The following SPG11 variants were observed in gnomAD, a reference collection of about 807,000 sequenced individuals.
SPG11 encodes spatacsin.
SPG11 carries 222 observed loss-of-function variants against 274.0 expected under a neutral mutation model. The observed-to-expected ratio is 0.81, with a 90% CI of 0.73 to 0.91. SPG11 has a LOEUF of 0.91. Ranked by LOEUF, SPG11 falls within the 40% of genes least tolerant of loss-of-function variation. The probability of loss-of-function intolerance (pLI) is 0.00; values close to 1 mark genes in which losing one functional copy is unlikely to be tolerated. For missense variants in SPG11, 3,114 were observed against 2,872.7 expected, an observed-to-expected ratio of 1.08 and a Z score of -1.92; for synonymous variants, 1,144 against 1,039.7, an observed-to-expected ratio of 1.10 and a Z score of -1.93.
At chr15:44,609,029 G>T (rs2083391746) in intron 18 of SPG11, among the ~76,000 whole-genome samples, 1 of 152,126 alleles carries the variant, frequency 6.6e-6, no homozygotes, top group Non-Finnish European at 1.5e-5. Context: ...TAAAAATAGA[G>T]GATTAAATAG....
intron 14 of SPG11, 190 bp from the exon 15 acceptor site, chr15:44,620,593 G>C: frequency 1.8e-6 from 1 of 554,626 alleles, no homozygotes; most frequent in East Asian, 3.2e-5. Flanking sequence ...CCAGGCTGGA[G>C]TGCAGTGGTG....
intron 7 of SPG11, among the ~76,000 whole-genome samples, chr15:44,636,958 C>CAAAAAAAAAAAAAAAAAAAAAAAAA (rs1328250311): frequency 1.1e-5 from 1 of 89,102 alleles, no homozygotes; most frequent in Non-Finnish European, 2.1e-5. Flanking sequence ...AAAAAAAAAA[C>CAAAAAAAAAAAAAAAAAAAAAAAAA]AAAAAAAAAA....
At chr15:44,632,421 TAAG>T (rs1184575398) in intron 8 of SPG11, among the ~76,000 whole-genome samples, 1 of 152,118 alleles carries the variant, frequency 6.6e-6, no homozygotes, top group Non-Finnish European at 1.5e-5. Flanking sequence ...CTACCTGGTC[TAAG>T]AATAAAAGTT....
intron 8 of SPG11, among the ~76,000 whole-genome samples, chr15:44,633,245 T>C (rs1224828255): frequency 2.9e-5 from 4 of 138,784 alleles, no homozygotes; most frequent in Non-Finnish European, 6.0e-5. Context: ...GTGGGAGGAC[T>C]GCTTGAGTCC....
In SPG11 at chr15:44,564,651, T is replaced by A. The variant is rs1595815419; in HGVS notation, c.7047A>T (p.Glu2349Asp). 2 of 1,614,136 alleles carry A rather than the reference T, an allele frequency of 1.2e-6. No homozygotes were observed. The highest frequency in any genetic ancestry group is 1.7e-6 in the Non-Finnish European group (2 of 1,179,990). The change falls in exon 39 of 40, where the codon GAA (glutamate) becomes GAT (aspartate). Residue 2349 changes from glutamate to aspartate, a missense_variant. Glu to Asp is a conservative substitution (Grantham distance 45, BLOSUM62 2). Transcript: ENST00000261866. ...TAAGAATCACTTGCTGGTATAAAAT[T>A]TCAGCCCAATCTGGAACAAAATCGT... ...EAYDFVPDWAEILYQQVILKG... is the reference protein window; with the variant it reads ...EAYDFVPDWADILYQQVILKG...
intron 8 of SPG11, among the ~76,000 whole-genome samples, chr15:44,630,242 C>A (rs368984034): frequency 6.6e-6 from 1 of 152,166 alleles, no homozygotes; most frequent in African/African-American, 2.4e-5. Flanking sequence ...CGCTGCCCCC[C>A]GTGGATTACA....
At chr15:44,609,735 CTT>C (rs752969781) in intron 18 of SPG11, among the ~76,000 whole-genome samples, 25 of 140,730 alleles carry the variant, frequency 1.8e-4, no homozygotes, top group Admixed American at 2.9e-4. Context: ...CCCCGCCCAG[CTT>C]TTTTTTTTTT....
rs545202134 is a variant in SPG11, at chr15:44,629,456, A to C, written c.1736-68T>G. 1.6e-5 allele frequency: 23 copies of C among 1,475,094 alleles called. No homozygotes were observed. The East Asian group carries it at 5.3e-4, about 34-fold the overall frequency. 91.4% of individuals were successfully genotyped at this position (1,475,094 alleles called of 1,614,324 possible). A position where few individuals can be genotyped will look rare whatever the true frequency, so the allele number is the denominator to read the frequency against. ...ACTCACAATAAAATTAACATATCAA[A>C]AATATCATGTTACAATATTTTTAAA... On this transcript the variant is annotated intron_variant, in intron 8 of 39. Transcript: ENST00000261866.
chr15:44,614,095 G>A lies in SPG11; in HGVS notation c.3039-559C>T, dbSNP rs896354928. Among the ~76,000 whole-genome samples, 14 of 152,228 alleles carry A rather than the reference G, an allele frequency of 9.2e-5. 1 individual carries two copies. Among genetic ancestry groups the A allele is most frequent in the Admixed American group, 9.2e-4 (14 of 15,292 alleles). On this transcript the variant is annotated intron_variant, in intron 16 of 39. Coordinates refer to ENST00000261866, the MANE Select transcript of SPG11 (RefSeq NM_025137.4). ...CAACTACAGAGAGGTTACAACTGAG[G>A]AATTATGGCTCAGAATACATACTTT...
At chr15:44,650,624 TAA>T (rs201279968) in intron 6 of SPG11, among the ~76,000 whole-genome samples, 15 of 125,664 alleles carry the variant, frequency 1.2e-4, no homozygotes, top group Admixed American at 3.3e-4. Context: ...ACACTCTGCC[TAA>T]AAAAAAAAAA....
At chr15:44,611,754 A>G (rs1405245599) in intron 17 of SPG11, among the ~76,000 whole-genome samples, 1 of 152,126 alleles carries the variant, frequency 6.6e-6, no homozygotes, top group East Asian at 1.9e-4. Flanking sequence ...AGAAAATTAA[A>G]TAATGGTATA....
At chr15:44,595,545 A>G (rs1201588748) in intron 25 of SPG11, 86 bp from the exon 26 acceptor site, 9 of 1,393,904 alleles carry the variant, frequency 6.5e-6, no homozygotes, top group African/African-American at 2.8e-5. Context: ...CCTGTTTAGA[A>G]TAAGTCACCC....
chr15:44,640,771 G>C (rs116565430), intron 7 of SPG11, among the ~76,000 whole-genome samples: 2 of 151,982 alleles, frequency 1.3e-5, no homozygotes, highest in African/African-American at 4.8e-5. Flanking sequence ...TCATTCTGTC[G>C]TCAGGCTGAA....
rs1342887445 is a variant in SPG11, at chr15:44,615,626, T to A, written c.2835-60A>T. 6.9e-6 allele frequency: 10 copies of A among 1,442,722 alleles called. No homozygotes were observed. The Admixed American group carries it at 1.7e-4, about 24-fold the overall frequency. 89.4% of individuals were successfully genotyped at this position (1,442,722 alleles called of 1,614,324 possible). A position where few individuals can be genotyped will look rare whatever the true frequency, so the allele number is the denominator to read the frequency against. On this transcript the variant is annotated intron_variant, in intron 15 of 39. Transcript: ENST00000261866. Reference sequence around the variant, plus strand: ...GTTGCTATGTTCAGAGTAGACCAAATCATGCCCACAGTTTAGGTCTCAATT... The same window carrying A: ...GTTGCTATGTTCAGAGTAGACCAAAACATGCCCACAGTTTAGGTCTCAATT...
chr15:44,604,414 G>A (rs2083267980), intron 20 of SPG11, among the ~76,000 whole-genome samples: 1 of 152,152 alleles, frequency 6.6e-6, no homozygotes, highest in Non-Finnish European at 1.5e-5. Context: ...ACTGAAATGA[G>A]CACATTTGAG....
At chr15:44,565,746 T>G in intron 38 of SPG11, 108 bp downstream of exon 38, 1 of 1,365,130 alleles carries the variant, frequency 7.3e-7, no homozygotes, top group East Asian at 2.4e-5. Flanking sequence ...AGAACTGTAC[T>G]GTCCTGGTTC....
chr15:44,641,922 GAAAAAAAAA>G (rs71111874), intron 7 of SPG11, among the ~76,000 whole-genome samples: 2 of 55,906 alleles, frequency 3.6e-5, no homozygotes, highest in African/African-American at 1.2e-4. Flanking sequence ...CTGCTTAACA[GAAAAAAAAA>G]AAAAAAAAAA....
intron 4 of SPG11, among the ~76,000 whole-genome samples, chr15:44,655,446 T>C (rs1159213474): frequency 6.6e-6 from 1 of 152,168 alleles, no homozygotes; most frequent in Non-Finnish European, 1.5e-5. Flanking sequence ...TTGCCTGACA[T>C]GTACCATGGG....
chr15:44,663,447 A>G lies in SPG11; in HGVS notation c.201T>C (p.Ser67=), dbSNP rs2085180614. The change falls in exon 1 of 40, where the codon TCT becomes TCC. Residue 67 remains serine (S), a synonymous_variant. Transcript: ENST00000261866. ...CCCCGCCCCGGCTGCCAGGCGTCAA[A>G]GAAAGCACTTGGAGGCTGCCCGCAG... ...LTAAGSLQVL[S]LTPGSRGGGR... is the part of the protein sequence containing the mutation. 1.2e-6 allele frequency: 2 copies of G among 1,602,576 alleles called. No homozygotes were observed. Among genetic ancestry groups the G allele is most frequent in the Non-Finnish European group, 1.7e-6 (2 of 1,175,272 alleles).
Sources: allele counts gnomAD v4.1 joint callset (sites outside exome capture counted in the v4.1 genomes callset), GRCh38; gene constraint gnomAD v4.1.1; transcripts MANE v1.5; gene names NCBI Gene and HGNC (gene_info 2026-07-23, HGNC 2026-07-21).